The following ANO3 variants were observed in gnomAD, a reference collection of about 807,000 sequenced individuals.
The protein encoded by ANO3 is anoctamin-3.
A neutral mutation model predicts 144.8 loss-of-function variants in ANO3; 99 were observed. The ratio of observed to expected loss-of-function variants is 0.68; its 90% CI spans 0.58 to 0.81. ANO3 has a LOEUF of 0.81. ANO3 is among the 30% of genes least tolerant of loss of function. The pLI, the probability that ANO3 is intolerant of heterozygous loss-of-function variation, is 0.00. For missense variants in ANO3, 905 were observed against 1,202.2 expected, an observed-to-expected ratio of 0.75 and a Z score of 3.66; for synonymous variants, 414 against 392.6, an observed-to-expected ratio of 1.05 and a Z score of -0.64.
At chr11:26,647,897 T>C in intron 24 of ANO3, 41 bp downstream of exon 24, 2 of 1,567,648 alleles carry the variant, frequency 1.3e-6, no homozygotes, top group Non-Finnish European at 1.7e-6. Context: ...ATGTTTTACA[T>C]TTGTAATTAA....
At chr11:26,313,727 A>C (rs1379940178) in intron 1 of ANO3, among the ~76,000 whole-genome samples, 2 of 151,874 alleles carry the variant, frequency 1.3e-5, no homozygotes, top group East Asian at 3.9e-4. Context: ...TACAGGTGAT[A>C]ATACATAGTT....
chr11:26,507,082 A>G (rs1303644590), intron 4 of ANO3, among the ~76,000 whole-genome samples: 1 of 152,226 alleles, frequency 6.6e-6, no homozygotes, highest in Non-Finnish European at 1.5e-5. Context: ...AATAGTTATG[A>G]ACATGAACTT....
intron 24 of ANO3, among the ~76,000 whole-genome samples, chr11:26,650,356 G>A (rs1359637292): frequency 6.6e-6 from 1 of 152,148 alleles, no homozygotes; most frequent in Non-Finnish European, 1.5e-5. Context: ...AAGAATTCAA[G>A]GTTTAGAATC....
chr11:26,348,429 C>T (rs560668754), intron 1 of ANO3, among the ~76,000 whole-genome samples: 2 of 152,062 alleles, frequency 1.3e-5, no homozygotes, highest in South Asian at 2.1e-4. Flanking sequence ...GCCTGGGTAT[C>T]GATAATGGGC....
chr11:26,194,452 G>GTGTT (rs752698297), intron 1 of ANO3, among the ~76,000 whole-genome samples: 1 of 147,576 alleles, frequency 6.8e-6, no homozygotes, highest in Non-Finnish European at 1.5e-5. Flanking sequence ...GTGTGTGTGT[G>GTGTT]TGTGTGTGTG....
At chr11:26,535,410 T>TA (rs561018282) in intron 9 of ANO3, among the ~76,000 whole-genome samples, 8 of 151,980 alleles carry the variant, frequency 5.3e-5, no homozygotes, top group Non-Finnish European at 1.2e-4. Context: ...TACTTTTAAT[T>TA]ATAGGGGTGA....
intron 4 of ANO3, among the ~76,000 whole-genome samples, chr11:26,479,807 A>G (rs1860138981): frequency 6.6e-6 from 1 of 152,192 alleles, no homozygotes; most frequent in Non-Finnish European, 1.5e-5. Context: ...GTATAAGAGA[A>G]AGAGAACTCT....
upstream of ANO3, among the ~76,000 whole-genome samples, chr11:26,308,943 G>T (rs1172890322): frequency 6.6e-6 from 1 of 152,110 alleles, no homozygotes; most frequent in African/African-American, 2.4e-5. Flanking sequence ...TATTTTGCAG[G>T]AGAAAGAAAA....
chr11:26,267,504 A>G (rs1448113947), intron 1 of ANO3, among the ~76,000 whole-genome samples: 1 of 152,192 alleles, frequency 6.6e-6, no homozygotes. Context: ...AATTTGCATT[A>G]TTTCATTTTT....
chr11:26,475,420 A>G (rs1409443001), intron 4 of ANO3, among the ~76,000 whole-genome samples: 2 of 152,006 alleles, frequency 1.3e-5, no homozygotes, highest in African/African-American at 2.4e-5. Flanking sequence ...GCCAGATTTC[A>G]TAAGACACTT....
chr11:26,271,977 C>G (rs567998406), intron 1 of ANO3, among the ~76,000 whole-genome samples: 1 of 151,988 alleles, frequency 6.6e-6, no homozygotes, highest in Non-Finnish European at 1.5e-5. Flanking sequence ...GTATTTATAT[C>G]TTTTAATCCT....
intron 24 of ANO3, 140 bp downstream of exon 24, chr11:26,647,996 T>G: frequency 1.4e-6 from 1 of 730,888 alleles, no homozygotes; most frequent in Admixed American, 3.4e-5. Flanking sequence ...TTAGGTGAAA[T>G]CAAGCAAGGT....
intron 5 of ANO3, chr11:26,508,853 GA>G (rs932328003): frequency 5.3e-5 from 8 of 151,598 alleles, no homozygotes; most frequent in Non-Finnish European, 8.8e-5. Flanking sequence ...TCGCATTACA[GA>G]AAGAAAAAAC....
chr11:26,543,312 C>A (rs1181678355), intron 11 of ANO3, among the ~76,000 whole-genome samples: 1 of 151,938 alleles, frequency 6.6e-6, no homozygotes, highest in Non-Finnish European at 1.5e-5. Context: ...TTCAACAAAC[C>A]CATCAGGAAG....
intron 1 of ANO3, among the ~76,000 whole-genome samples, chr11:26,344,153 G>C (rs1425694997): frequency 1.3e-5 from 2 of 152,054 alleles, no homozygotes; most frequent in Admixed American, 6.6e-5. Flanking sequence ...ATAAATAATA[G>C]AGAGCAATAT....
intron 1 of ANO3, among the ~76,000 whole-genome samples, chr11:26,354,452 T>C (rs954027654): frequency 7.9e-5 from 12 of 152,172 alleles, no homozygotes; most frequent in Admixed American, 2.0e-4. Context: ...ATATATCTTC[T>C]TAAATGTCAA....
At chr11:26,266,891 C>T (rs1853321717) in intron 1 of ANO3, among the ~76,000 whole-genome samples, 1 of 150,738 alleles carries the variant, frequency 6.6e-6, no homozygotes. Context: ...ACCATCCTGG[C>T]TAACACGGTG....
intron 1 of ANO3, among the ~76,000 whole-genome samples, chr11:26,215,873 A>C (rs1288818424): frequency 6.6e-6 from 1 of 151,932 alleles, no homozygotes; most frequent in African/African-American, 2.4e-5. Flanking sequence ...CTACTATCCA[A>C]TTATTTCCTA....
chr11:26,262,592 C>A (rs1253440464), intron 1 of ANO3, among the ~76,000 whole-genome samples: 1 of 152,002 alleles, frequency 6.6e-6, no homozygotes, highest in African/African-American at 2.4e-5. Context: ...CTGCCTCAAC[C>A]CAAACTTTAT....
Sources: allele counts gnomAD v4.1 joint callset (sites outside exome capture counted in the v4.1 genomes callset), GRCh38; gene constraint gnomAD v4.1.1; transcripts MANE v1.5; gene names NCBI Gene and HGNC (gene_info 2026-07-23, HGNC 2026-07-21).